The following NECTIN3 variants were observed in gnomAD, a reference collection of about 807,000 sequenced individuals.
The protein encoded by NECTIN3 is nectin cell adhesion molecule 3.
NECTIN3 carries 8 observed loss-of-function variants against 49.4 expected under a neutral mutation model. That is an observed-to-expected ratio of 0.16 (90% confidence interval 0.10 to 0.29). The LOEUF (loss-of-function observed/expected upper bound fraction) is 0.29. Among genes scored for constraint, NECTIN3 ranks in the 10% least tolerant of loss-of-function variants. NECTIN3 has a pLI of 1.00. For missense variants in NECTIN3, 581 were observed against 654.6 expected, an observed-to-expected ratio of 0.89 and a Z score of 1.23; for synonymous variants, 277 against 241.1, an observed-to-expected ratio of 1.15 and a Z score of -1.38.
downstream of NECTIN3, among the ~76,000 whole-genome samples, chr3:111,139,682 A>G (rs1229510503): frequency 6.6e-6 from 1 of 151,706 alleles, no homozygotes; most frequent in African/African-American, 2.4e-5. Context: ...CTTCCTATCA[A>G]CTTTATCTAT....
At chr3:111,083,312 C>T (rs1021653502) in intron 1 of NECTIN3, among the ~76,000 whole-genome samples, 1 of 152,172 alleles carries the variant, frequency 6.6e-6, no homozygotes, top group South Asian at 2.1e-4. Flanking sequence ...TGTTCCCCTT[C>T]TCCCCCAAAT....
chr3:111,134,427 G>C lies in NECTIN3; in HGVS notation c.*212G>C. ...AATTTTTTTTCAATGCTGTACTACTGTCTCAAGATTTAAATTTTAATGCAG... is the reference window on the plus strand; with the variant it reads ...AATTTTTTTTCAATGCTGTACTACTCTCTCAAGATTTAAATTTTAATGCAG... On this transcript the variant is annotated 3_prime_UTR_variant, in exon 6 of 6. Coordinates refer to ENST00000485303, the MANE Select transcript of NECTIN3 (RefSeq NM_015480.3). 1 of 1,237,536 alleles carries C rather than the reference G, an allele frequency of 8.1e-7. No individual in the cohort carries two copies. 76.7% of individuals were successfully genotyped at this position (1,237,536 alleles called of 1,614,324 possible).
intron 2 of NECTIN3, among the ~76,000 whole-genome samples, 184 bp downstream of exon 2, chr3:111,112,555 T>C (rs181879350): frequency 1.3e-5 from 2 of 152,304 alleles, no homozygotes; most frequent in African/African-American, 2.4e-5. Context: ...TAAAATCTTG[T>C]CTATATATAC....
chr3:111,162,613 G>T lies in NECTIN3; in HGVS notation c.1221+15129G>T, dbSNP rs549084911. ...GAGAATGGACTAATGCAATCAAACT[G>T]CCTAGAAGTCTCAGATAAATTCACC... On this transcript the variant is annotated intron_variant, in intron 7 of 8. Coordinates refer to the NECTIN3 transcript ENST00000493615. Among the ~76,000 whole-genome samples the T allele has an allele frequency of 2.0e-4, 30 of 152,244 alleles. No individual in the cohort carries two copies. In the South Asian group the frequency reaches 6.2e-3, roughly 32 times the overall value.
chr3:111,075,860 G>T (rs562719639), intron 1 of NECTIN3, among the ~76,000 whole-genome samples: 2 of 152,174 alleles, frequency 1.3e-5, no homozygotes, highest in East Asian at 3.9e-4. Context: ...TAGAATGTTA[G>T]TGATCATACT....
intron 1 of NECTIN3, among the ~76,000 whole-genome samples, chr3:111,100,637 AT>A (rs1185074388): frequency 6.6e-6 from 1 of 152,086 alleles, no homozygotes; most frequent in Non-Finnish European, 1.5e-5. Flanking sequence ...TTTTTGTGAT[AT>A]TTTTGGGAAT....
intron 7 of NECTIN3, among the ~76,000 whole-genome samples, chr3:111,181,463 A>T (rs553360464): frequency 6.6e-6 from 1 of 152,246 alleles, no homozygotes; most frequent in Non-Finnish European, 1.5e-5. Context: ...TATCCAGATG[A>T]TGTTAATCTC....
intron 5 of NECTIN3, among the ~76,000 whole-genome samples, chr3:111,128,722 A>G (rs1003816930): frequency 6.6e-6 from 1 of 152,162 alleles, no homozygotes; most frequent in Non-Finnish European, 1.5e-5. Flanking sequence ...CAGCTCTTCC[A>G]TTATGTTAAA....
At chr3:111,091,356 C>T (rs965242684) in intron 1 of NECTIN3, among the ~76,000 whole-genome samples, 4 of 151,982 alleles carry the variant, frequency 2.6e-5, no homozygotes, top group African/African-American at 7.2e-5. Flanking sequence ...CCCAGGTTCA[C>T]GCCATCTCCT....
chr3:111,123,294 T>C (rs2034029146), intron 4 of NECTIN3, among the ~76,000 whole-genome samples: 1 of 152,182 alleles, frequency 6.6e-6, no homozygotes, highest in Non-Finnish European at 1.5e-5. Flanking sequence ...TTTTTCTGCT[T>C]TCTACATACT....
At position 111,094,072 on chromosome 3, in the gene NECTIN3, A is replaced by G. The variant is rs28594465; in HGVS notation, c.161-17958A>G. On this transcript the variant is annotated intron_variant, in intron 1 of 5. Transcript: ENST00000485303. ...ATGATTTTATTAAGGAAAGGAAAAG[A>G]CAAAAACAAACTGTGGCAATACTTT... is the stretch of plus-strand genomic sequence containing the variant. Among the ~76,000 whole-genome samples the G allele has an allele frequency of 8.8e-4, 134 of 152,158 alleles. 1 individual carries two copies. Among genetic ancestry groups the G allele is most frequent in the African/African-American group, 2.9e-3 (121 of 41,550 alleles).
At chr3:111,121,886 C>T (rs2107470188) in intron 3 of NECTIN3, among the ~76,000 whole-genome samples, 1 of 152,190 alleles carries the variant, frequency 6.6e-6, no homozygotes, top group Non-Finnish European at 1.5e-5. Flanking sequence ...TTTCTAATTA[C>T]TCAAACTGTA....
intron 1 of NECTIN3, among the ~76,000 whole-genome samples, chr3:111,108,587 T>A (rs1171255409): frequency 6.6e-6 from 1 of 152,148 alleles, no homozygotes; most frequent in South Asian, 2.1e-4. Context: ...TACTTGGTAA[T>A]TTTAAAGGAA....
chr3:111,122,105 T>C lies in NECTIN3; in HGVS notation c.800-16T>C. On this transcript the variant is annotated splice_polypyrimidine_tract_variant and intron_variant, in intron 3 of 5. Transcript: ENST00000485303. Reference sequence around the variant, plus strand: ...TAACAAAAGGTAATCTGTCCTGTCATGCATTTATTTTATAGATGCTCCTGA... The same window carrying C: ...TAACAAAAGGTAATCTGTCCTGTCACGCATTTATTTTATAGATGCTCCTGA... 1 of 1,475,442 alleles carries C rather than the reference T, an allele frequency of 6.8e-7. No homozygotes were observed. The highest frequency in any genetic ancestry group is 9.5e-7 in the Non-Finnish European group (1 of 1,054,154). The allele number at this position is 1,475,442 out of a possible 1,614,324, so 91.4% of individuals were successfully genotyped here.
intron 7 of NECTIN3, among the ~76,000 whole-genome samples, chr3:111,170,757 C>G (rs1045885351): frequency 4.6e-5 from 7 of 152,074 alleles, no homozygotes; most frequent in Admixed American, 1.3e-4. Flanking sequence ...ACCTGATGAG[C>G]TATCTGGGAT....
At chr3:111,184,103 T>C (rs1175412328) in intron 7 of NECTIN3, among the ~76,000 whole-genome samples, 1 of 152,194 alleles carries the variant, frequency 6.6e-6, no homozygotes, top group Admixed American at 6.5e-5. Context: ...TTTTTTCTTC[T>C]TCAGTGTCTA....
rs1171075334 is a variant in NECTIN3 at position 111,137,245 on chromosome 3, T to C, written c.*3030T>C. On this transcript the variant is annotated 3_prime_UTR_variant, in exon 6 of 6. Transcript: ENST00000485303. ...ATCAATGTAAAATATAAGAAAGGAA[T>C]AAATGGTACCCATTTTGAATTTTTA... 7.5e-6 allele frequency: 7 copies of C among 934,162 alleles called. No homozygotes were observed. The highest frequency in any genetic ancestry group is 8.9e-6 in the Non-Finnish European group (7 of 783,570). The allele number at this position is 934,162 out of a possible 1,614,324, so 57.9% of individuals were successfully genotyped here.
In NECTIN3 at chr3:111,134,762, T is replaced by A; in HGVS notation, c.*547T>A. ...CTTTTCAAACATTATTTTCTAAGTTTCTATACAAATGAAATCTTTACCTCT... is the reference window on the plus strand; with the variant it reads ...CTTTTCAAACATTATTTTCTAAGTTACTATACAAATGAAATCTTTACCTCT... On this transcript the variant is annotated 3_prime_UTR_variant, in exon 6 of 6. Transcript: ENST00000485303. The A allele has an allele frequency of 2.1e-6, 2 of 963,520 alleles. No homozygotes were observed. Among genetic ancestry groups the A allele is most frequent in the Non-Finnish European group, 2.5e-6 (2 of 810,166 alleles). 59.7% of individuals were successfully genotyped at this position (963,520 alleles called of 1,614,324 possible).
chr3:111,088,638 A>G (rs377271587), intron 1 of NECTIN3, among the ~76,000 whole-genome samples: 2 of 152,198 alleles, frequency 1.3e-5, no homozygotes, highest in East Asian at 3.8e-4. Context: ...ATGGTGAATT[A>G]CATTTATAAA....
Sources: allele counts gnomAD v4.1 joint callset (sites outside exome capture counted in the v4.1 genomes callset), GRCh38; gene constraint gnomAD v4.1.1; transcripts MANE v1.5; gene names NCBI Gene and HGNC (gene_info 2026-07-23, HGNC 2026-07-21).